TANC2: variants seen among roughly 807,000 people sequenced by gnomAD.
TANC2 encodes the protein tetratricopeptide repeat, ankyrin repeat and coiled-coil containing 2.
In TANC2, 26 loss-of-function variants were observed where a neutral mutation model predicts 210.5. The ratio of observed to expected loss-of-function variants is 0.12; its 90% CI spans 0.09 to 0.17. TANC2 has a LOEUF of 0.17. Ranked by LOEUF, TANC2 falls within the 10% of genes least tolerant of loss-of-function variation. The pLI is 1.00. For synonymous variants in TANC2, 931 were observed against 967.1 expected (o/e 0.96, Z 0.69); for missense variants, 2,129 against 2,608.9 (o/e 0.82, Z 4.01).
intron 14 of TANC2, among the ~76,000 whole-genome samples, chr17:63,369,553 CTTTTTT>C (rs36014004): frequency 7.6e-6 from 1 of 131,214 alleles, no homozygotes. Context: ...ATAATTTCAG[CTTTTTT>C]TTTTTTTTTT....
At chr17:62,970,535 G>A (rs375988751) in intron 1 of TANC2, among the ~76,000 whole-genome samples, 16 of 30,030 alleles carry the variant, frequency 5.3e-4, no homozygotes, top group African/African-American at 1.1e-3. Context: ...TCTTAAGTGA[G>A]TATGAATTAT....
At chr17:62,986,054 G>A (rs1452678750) in intron 1 of TANC2, among the ~76,000 whole-genome samples, 1 of 152,176 alleles carries the variant, frequency 6.6e-6, no homozygotes, top group Non-Finnish European at 1.5e-5. Context: ...TGACGGTTAG[G>A]TGGGGCATGT....
chr17:63,163,853 C>A (rs2040111605), intron 5 of TANC2, among the ~76,000 whole-genome samples: 1 of 152,062 alleles, frequency 6.6e-6, no homozygotes, highest in African/African-American at 2.4e-5. Context: ...AAATATAGTC[C>A]AAGATAGTAA....
At position 63,302,693 on chromosome 17, in the gene TANC2, G is replaced by A. The variant is rs138503779; in HGVS notation, c.1160-11695G>A. Among the ~76,000 whole-genome samples, 782 of 142,214 alleles carry A rather than the reference G, an allele frequency of 5.5e-3. 9 individuals are homozygous for A. Among genetic ancestry groups the A allele is most frequent in the African/African-American group, 0.019 (740 of 39,278 alleles). The allele number at this position is 142,214 out of a possible 152,430, so 93.3% of individuals were successfully genotyped here. A position where few individuals can be genotyped will look rare whatever the true frequency, so the allele number is the denominator to read the frequency against. On this transcript the variant is annotated intron_variant, in intron 9 of 27. Coordinates refer to ENST00000689528, the Ensembl canonical transcript of TANC2. The stretch of plus-strand genomic sequence containing the variant: ...TTTGAGCCTATGTGTGTCTTTGCAC[G>A]GGAGATGGGTCTCCTGAATACAGCA...
At chr17:63,423,314 A>T (rs2049069610) in exon 28 of TANC2, 1 of 152,106 alleles carries the variant, frequency 6.6e-6, no homozygotes, top group Non-Finnish European at 1.5e-5. Context: ...CTGATCTTGA[A>T]GCTTGTCTAG....
chr17:63,319,800 CAT>C (rs992663165), intron 11 of TANC2, among the ~76,000 whole-genome samples: 2 of 152,066 alleles, frequency 1.3e-5, no homozygotes, highest in African/African-American at 2.4e-5. Flanking sequence ...TTCAAAATAA[CAT>C]AAACACATAG....
intron 1 of TANC2, among the ~76,000 whole-genome samples, chr17:62,988,276 C>T (rs1249680794): frequency 1.3e-5 from 2 of 150,616 alleles, no homozygotes; most frequent in Non-Finnish European, 3.0e-5. Flanking sequence ...TACAGGCGTG[C>T]ACCACCACAC....
intron 2 of TANC2, among the ~76,000 whole-genome samples, chr17:63,014,494 T>C (rs1277794011): frequency 6.6e-6 from 1 of 152,184 alleles, no homozygotes; most frequent in Admixed American, 6.5e-5. Context: ...TCTCTGGAAA[T>C]CAGATTCTTC....
At chr17:63,355,102 G>A in exon 14 of TANC2, 1 of 1,613,818 alleles carries the variant, frequency 6.2e-7, no homozygotes, top group Non-Finnish European at 8.5e-7. Flanking sequence ...TTACTCCAGT[G>A]CAATATGAAG....
At chr17:63,330,498 G>A (rs567048944) in intron 11 of TANC2, among the ~76,000 whole-genome samples, 11 of 151,704 alleles carry the variant, frequency 7.3e-5, no homozygotes, top group South Asian at 2.1e-4. Flanking sequence ...CAATGGTTTC[G>A]TGGGTTCCAA....
chr17:63,304,757 A>G (rs1479604447), intron 9 of TANC2, among the ~76,000 whole-genome samples: 1 of 152,114 alleles, frequency 6.6e-6, no homozygotes, highest in Non-Finnish European at 1.5e-5. Flanking sequence ...CAGGGAGATT[A>G]GAGTTCTATC....
intron 11 of TANC2, among the ~76,000 whole-genome samples, chr17:63,330,893 T>C (rs2045818180): frequency 6.6e-6 from 1 of 152,172 alleles, no homozygotes; most frequent in Non-Finnish European, 1.5e-5. Flanking sequence ...CTGGTCAACA[T>C]GGTGAAACCC....
intron 6 of TANC2, among the ~76,000 whole-genome samples, chr17:63,200,477 T>C (rs1193475266): frequency 6.6e-6 from 1 of 152,138 alleles, no homozygotes; most frequent in Non-Finnish European, 1.5e-5. Context: ...GAACTTGTGC[T>C]TAATAAAAAA....
intron 7 of TANC2, among the ~76,000 whole-genome samples, chr17:63,205,365 A>AAAAAAAC: frequency 6.7e-6 from 1 of 148,402 alleles, no homozygotes; most frequent in Non-Finnish European, 1.5e-5. Flanking sequence ...AAAAAAAAAA[A>AAAAAAAC]AAAAAAACCT....
chr17:63,371,722 C>A (rs1421176696), intron 14 of TANC2, among the ~76,000 whole-genome samples: 1 of 152,148 alleles, frequency 6.6e-6, no homozygotes. Context: ...AACATAATGC[C>A]ATTGTATATT....
Position 63,196,829 on chromosome 17 carries a change from A to G in TANC2, c.582+2690A>G, listed in dbSNP as rs578024212. Among the ~76,000 whole-genome samples, 92 of 152,302 alleles carry G rather than the reference A, an allele frequency of 6.0e-4. 1 individual carries two copies. Among genetic ancestry groups the G allele is most frequent in the African/African-American group, 2.2e-3 (91 of 41,576 alleles). On this transcript the variant is annotated intron_variant, in intron 6 of 27. Transcript: ENST00000689528. ...TTGTTTTACTTGCACTGTTTTGTTTAAGCTTCTTCACAACCCAGTGTAGTA... is the reference window on the plus strand; with the variant it reads ...TTGTTTTACTTGCACTGTTTTGTTTGAGCTTCTTCACAACCCAGTGTAGTA...
intron 8 of TANC2, among the ~76,000 whole-genome samples, chr17:63,246,148 T>TA (rs1206521850): frequency 1.3e-5 from 2 of 151,986 alleles, no homozygotes; most frequent in Non-Finnish European, 2.9e-5. Context: ...TGTTGCTTAA[T>TA]AAAACCTAAT....
intron 2 of TANC2, among the ~76,000 whole-genome samples, chr17:63,062,310 T>TG (rs1211422310): frequency 6.6e-6 from 1 of 152,208 alleles, no homozygotes; most frequent in Non-Finnish European, 1.5e-5. Flanking sequence ...CATTGCAGCT[T>TG]GCCTTCTAGC....
exon 14 of TANC2, chr17:63,355,157 T>C: frequency 6.2e-7 from 1 of 1,613,890 alleles, no homozygotes; most frequent in Non-Finnish European, 8.5e-7. Context: ...CTCTCCTGAA[T>C]GTGGCAGTGG....
Sources: allele counts gnomAD v4.1 joint callset (sites outside exome capture counted in the v4.1 genomes callset), GRCh38; gene constraint gnomAD v4.1.1; transcripts MANE v1.5; gene names NCBI Gene and HGNC (gene_info 2026-07-23, HGNC 2026-07-21).